Variants in SIM2 observed in about 807,000 individuals in gnomAD.
The protein encoded by SIM2 is SIM bHLH transcription factor 2.
A neutral mutation model predicts 64.8 loss-of-function variants in SIM2; 28 were observed. That is an observed-to-expected ratio of 0.43 (90% confidence interval 0.32 to 0.59). The LOEUF is 0.59. Among genes scored for constraint, SIM2 ranks in the 20% least tolerant of loss-of-function variants. The probability of loss-of-function intolerance (pLI) is 0.07; values close to 1 mark genes in which losing one functional copy is unlikely to be tolerated. For synonymous variants in SIM2, 408 were observed against 391.1 expected, an observed-to-expected ratio of 1.04 and a Z score of -0.51; for missense variants, 847 against 871.4, an observed-to-expected ratio of 0.97 and a Z score of 0.35.
chr21:36,747,945 CTCCGGCCTGGCCTGCGCTCCCGGCGG>C lies in SIM2; in HGVS notation c.1858_1883del (p.Ser620ProfsTer70). On this transcript the variant is annotated frameshift_variant, in exon 11 of 11. Coordinates refer to ENST00000290399, the MANE Select transcript of SIM2 (RefSeq NM_005069.6). LOFTEE classifies it high-confidence loss of function. This position sits in a 1 kb window ranked among gnomAD's most constrained non-coding sequence, Gnocchi z 4.5. ...CGCTGGGGGGCGCCGCACCCGCCGC[CTCCGGCCTGGCCTGCGCTCCCGGCGG>C]CCCCGAGGCGGCGACCGGCGCGCTG... 1 of 1,023,062 alleles carries C rather than the reference CTCCGGCCTGGCCTGCGCTCCCGGCGG, an allele frequency of 9.8e-7. No homozygotes were observed. The highest frequency in any genetic ancestry group is 1.2e-6 in the Non-Finnish European group (1 of 857,182). The allele number at this position is 1,023,062 out of a possible 1,614,324, so 63.4% of individuals were successfully genotyped here.
At chr21:36,729,793 A>G (rs989519387) in intron 6 of SIM2, among the ~76,000 whole-genome samples, 3 of 152,170 alleles carry the variant, frequency 2.0e-5, no homozygotes, top group Non-Finnish European at 4.4e-5. Context: ...CATTGCCCAA[A>G]GCCTGGGAAA....
rs1020196595 is a variant in SIM2, at chr21:36,732,937, T to C, written c.850+1786T>C. On this transcript the variant is annotated intron_variant, in intron 7 of 10. Transcript: ENST00000290399. ...GGGAGAGGCATTTGCCTCGAGGGCATAGAGCTGTGCTGTGCCCTAGAACAG... is the reference window on the plus strand; with the variant it reads ...GGGAGAGGCATTTGCCTCGAGGGCACAGAGCTGTGCTGTGCCCTAGAACAG... Among the ~76,000 whole-genome samples the C allele has an allele frequency of 3.3e-5, 5 of 152,298 alleles. No homozygotes were observed. In the East Asian group the frequency reaches 9.7e-4, roughly 29 times the overall value.
At chr21:36,714,223 C>A (rs1012368729) in intron 3 of SIM2, among the ~76,000 whole-genome samples, 2 of 152,130 alleles carry the variant, frequency 1.3e-5, no homozygotes, top group Admixed American at 1.3e-4. Context: ...AATTACTTAC[C>A]TTTTTTAGTC....
intron 1 of SIM2, among the ~76,000 whole-genome samples, chr21:36,701,994 A>T (rs2088506029): frequency 6.6e-6 from 1 of 152,246 alleles, no homozygotes; most frequent in Admixed American, 6.5e-5. Context: ...ACCAGAAATT[A>T]GTAAGGGAGG....
intron 3 of SIM2, among the ~76,000 whole-genome samples, chr21:36,714,398 A>G (rs2088716583): frequency 2.0e-5 from 3 of 152,214 alleles, no homozygotes. Flanking sequence ...CAAAAAGGGA[A>G]ATGTATTCAG....
In SIM2 at chr21:36,709,249, A is replaced by T; in HGVS notation, c.257A>T (p.Gln86Leu). The change falls in exon 2 of 11, where the codon CAG becomes CTG. Residue 86 changes from glutamine (Q) to leucine (L), a missense_variant and splice_region_variant. Coordinates refer to ENST00000290399, the MANE Select transcript of SIM2 (RefSeq NM_005069.6). ...VAKELGSHLL[Q>L]TLDGFVFVVA... ...AAGGAGCTGGGATCGCACTTGCTGC[A>T]GGTAGAGCGGCCTCGCCGGGGGAGG... is the stretch of plus-strand genomic sequence containing the variant. The T allele has an allele frequency of 6.2e-7, 1 of 1,600,356 alleles. No homozygotes were observed. Among genetic ancestry groups the T allele is most frequent in the Non-Finnish European group, 8.5e-7 (1 of 1,174,054 alleles).
At chr21:36,709,923 G>A in intron 2 of SIM2, 1 of 160,338 alleles carries the variant, frequency 6.2e-6, no homozygotes, top group South Asian at 1.8e-4. Flanking sequence ...CCGCCTCCCG[G>A]GTTCAAGCGA....
At chr21:36,716,306 C>T (rs184074311) in intron 3 of SIM2, among the ~76,000 whole-genome samples, 1 of 152,222 alleles carries the variant, frequency 6.6e-6, no homozygotes, top group East Asian at 1.9e-4. Context: ...AGTTTCCTCA[C>T]CAACATTTCA....
intron 1 of SIM2, among the ~76,000 whole-genome samples, chr21:36,700,416 T>C (rs1601680064): frequency 6.6e-6 from 1 of 151,238 alleles, no homozygotes; most frequent in Non-Finnish European, 1.5e-5. Context: ...CCTTTGCCAA[T>C]GCATTGGTTT....
chr21:36,704,316 T>C (rs2123412512), intron 1 of SIM2, among the ~76,000 whole-genome samples: 1 of 152,358 alleles, frequency 6.6e-6, no homozygotes, highest in East Asian at 1.9e-4. Flanking sequence ...GTCAGAGATG[T>C]GAGGCAATTC....
intron 1 of SIM2, among the ~76,000 whole-genome samples, chr21:36,706,413 A>G (rs2088583528): frequency 6.6e-6 from 1 of 151,946 alleles, no homozygotes; most frequent in Non-Finnish European, 1.5e-5. Context: ...GCAGGAAACC[A>G]CAGGCTGGGT....
At chr21:36,736,855 TTTC>T (rs1253851488) in intron 7 of SIM2, among the ~76,000 whole-genome samples, 1 of 26,244 alleles carries the variant, frequency 3.8e-5, no homozygotes, top group African/African-American at 9.1e-5. Flanking sequence ...CTTTTCTTTC[TTTC>T]TTTTTCTTTC....
chr21:36,707,487 T>C (rs1011790341), intron 1 of SIM2, among the ~76,000 whole-genome samples: 4 of 152,140 alleles, frequency 2.6e-5, no homozygotes, highest in Non-Finnish European at 5.9e-5. Flanking sequence ...GGATCGTGTA[T>C]GTGGAAATTA....
At chr21:36,703,140 C>A (rs535427171) in intron 1 of SIM2, among the ~76,000 whole-genome samples, 7 of 152,198 alleles carry the variant, frequency 4.6e-5, no homozygotes, top group African/African-American at 1.4e-4. Flanking sequence ...AGGCTGCCAG[C>A]CTCTGTTCCT....
chr21:36,703,123 A>T (rs1028503952), intron 1 of SIM2, among the ~76,000 whole-genome samples: 3 of 152,064 alleles, frequency 2.0e-5, no homozygotes, highest in African/African-American at 7.2e-5. Flanking sequence ...ACTCCACTGC[A>T]CCCAGGAGGC....
In SIM2 at chr21:36,699,444, G is replaced by A. The variant is rs541054185; in HGVS notation, c.-303G>A. On this transcript the variant is annotated 5_prime_UTR_variant, in exon 1 of 11. Transcript: ENST00000290399. The surrounding 1 kb of genome is among the most constrained non-coding windows in gnomAD (Gnocchi z 5.6). ...CCCCAGGAAGGCCGAGGCAGGAGAGGCAGGAGGGAGGAAACAGGAGCGAGC... is the reference window on the plus strand; with the variant it reads ...CCCCAGGAAGGCCGAGGCAGGAGAGACAGGAGGGAGGAAACAGGAGCGAGC... 130 of 208,560 alleles carry A rather than the reference G, an allele frequency of 6.2e-4. No individual in the cohort carries two copies. Among genetic ancestry groups the A allele is most frequent in the Non-Finnish European group, 8.8e-4 (95 of 107,368 alleles). The allele number at this position is 208,560 out of a possible 1,614,324, so 12.9% of individuals were successfully genotyped here. A position where few individuals can be genotyped will look rare whatever the true frequency, so the allele number is the denominator to read the frequency against.
intron 3 of SIM2, among the ~76,000 whole-genome samples, chr21:36,715,669 G>A (rs1292289487): frequency 3.9e-5 from 6 of 152,194 alleles, no homozygotes; most frequent in Non-Finnish European, 8.8e-5. Context: ...AGATCATAGA[G>A]AATGTAAGCC....
chr21:36,744,311 C>CAAAA (rs60354140), intron 9 of SIM2, among the ~76,000 whole-genome samples: 2 of 41,648 alleles, frequency 4.8e-5, no homozygotes, highest in African/African-American at 6.3e-5. Flanking sequence ...CACATTATGA[C>CAAAA]AAAAAAAAAA....
rs779497994 is a variant in SIM2, at chr21:36,744,811, TC to T, written c.1253del (p.Pro418LeufsTer63). 1 of 1,614,156 alleles carries T rather than the reference TC, an allele frequency of 6.2e-7. No homozygotes were observed. The highest frequency in any genetic ancestry group is 1.7e-5 in the Admixed American group (1 of 60,012). Reference sequence around the variant, plus strand: ...CCAGTCCCCCTGCAAGCGCTGCTGCTCCTCCAGAACTGCAGCCCCACTCAGA... The same window carrying T: ...CCAGTCCCCCTGCAAGCGCTGCTGCTCTCCAGAACTGCAGCCCCACTCAGA... ...RASPPASAAA[P>X]PELQPHSESS... On this transcript the variant is annotated frameshift_variant, in exon 10 of 11. Coordinates refer to ENST00000290399, the MANE Select transcript of SIM2 (RefSeq NM_005069.6). LOFTEE classifies it high-confidence loss of function.
Sources: allele counts gnomAD v4.1 joint callset (sites outside exome capture counted in the v4.1 genomes callset), GRCh38; gene constraint gnomAD v4.1.1; non-coding constraint Gnocchi (gnomAD v3.1); transcripts MANE v1.5; gene names NCBI Gene and HGNC (gene_info 2026-07-23, HGNC 2026-07-21).